Variants in CCDC141 observed in about 807,000 individuals in gnomAD.
The protein encoded by CCDC141 is coiled-coil domain containing 141.
Under a neutral mutation model 181.0 loss-of-function variants are expected in CCDC141, and 168 were observed. The ratio of observed to expected loss-of-function variants is 0.93; its 90% confidence interval spans 0.82 to 1.05. The LOEUF (loss-of-function observed/expected upper bound fraction) is 1.05, where lower values mean the gene tolerates loss of function less well. Ranked by LOEUF, CCDC141 falls within the 50% of genes least tolerant of loss-of-function variation. CCDC141 has a pLI of 0.00. For missense variants in CCDC141, 1,902 were observed against 1,788.5 expected (o/e 1.06, Z -1.14); for synonymous variants, 666 against 642.3 (o/e 1.04, Z -0.56).
chr2:178,980,279 C>G (rs1575296237), intron 2 of CCDC141, among the ~76,000 whole-genome samples: 2 of 152,124 alleles, frequency 1.3e-5, no homozygotes, highest in South Asian at 4.2e-4. Context: ...GAAACGCCAT[C>G]TCTACTACAA....
At chr2:178,939,183 C>T (rs1689408022) in intron 6 of CCDC141, among the ~76,000 whole-genome samples, 2 of 152,166 alleles carry the variant, frequency 1.3e-5, no homozygotes, top group Admixed American at 6.5e-5. Flanking sequence ...TGCAATCACA[C>T]AGAGCCTTAC....
At chr2:179,036,032 C>T (rs1163754084) in intron 2 of CCDC141, among the ~76,000 whole-genome samples, 1 of 152,114 alleles carries the variant, frequency 6.6e-6, no homozygotes, top group Non-Finnish European at 1.5e-5. Flanking sequence ...CTCTTTTTTG[C>T]CCACTCTGTG....
intron 5 of CCDC141, among the ~76,000 whole-genome samples, chr2:178,956,729 T>C (rs1330787257): frequency 6.6e-6 from 1 of 152,230 alleles, no homozygotes; most frequent in African/African-American, 2.4e-5. Flanking sequence ...GGAATCTAAA[T>C]GACAGCCTCA....
chr2:179,014,478 A>C (rs1341087104), intron 2 of CCDC141, among the ~76,000 whole-genome samples: 1 of 152,196 alleles, frequency 6.6e-6, no homozygotes, highest in Non-Finnish European at 1.5e-5. Context: ...AGCAAAGTAA[A>C]CAGACAACCC....
At chr2:178,862,344 A>G (rs931044707) in intron 17 of CCDC141, among the ~76,000 whole-genome samples, 3 of 152,214 alleles carry the variant, frequency 2.0e-5, no homozygotes, top group African/African-American at 7.2e-5. Flanking sequence ...TCTTTTCAGC[A>G]AAGTAATTGT....
chr2:178,864,355 G>A (rs1258026613), intron 17 of CCDC141, among the ~76,000 whole-genome samples: 3 of 152,190 alleles, frequency 2.0e-5, no homozygotes, highest in Non-Finnish European at 4.4e-5. Flanking sequence ...GGAGACCAAC[G>A]TGCTCTGACG....
chr2:178,850,869 T>A (rs2086832), intron 20 of CCDC141, among the ~76,000 whole-genome samples: 59,801 of 152,020 alleles, frequency 0.39, 12,599 homozygotes, highest in East Asian at 0.72. Context: ...TTGGATAGAT[T>A]CTACTACTAT....
chr2:178,818,427 C>A, the CCDC141 span, among the ~76,000 whole-genome samples: 1 of 152,134 alleles, frequency 6.6e-6, no homozygotes, highest in Non-Finnish European at 1.5e-5. Flanking sequence ...CTGATGCTCT[C>A]CCTCCCCCAA....
chr2:178,834,080 G>A lies in CCDC141; in HGVS notation c.*93C>T. On this transcript the variant is annotated 3_prime_UTR_variant, in exon 24 of 24. Coordinates refer to ENST00000443758, the MANE Select transcript of CCDC141 (RefSeq NM_173648.4). ...GGTGATCAGACTGGAGATACACTTG[G>A]TGGGAGATGCTTTGCAGGAGGTGCA... is the stretch of plus-strand genomic sequence containing the variant. 4 of 1,263,540 alleles carry A rather than the reference G, an allele frequency of 3.2e-6. No individual in the cohort carries two copies. The highest frequency in any genetic ancestry group is 4.4e-6 in the Non-Finnish European group (4 of 915,102). 78.3% of individuals were successfully genotyped at this position (1,263,540 alleles called of 1,614,324 possible). A position where few individuals can be genotyped will look rare whatever the true frequency, so the allele number is the denominator to read the frequency against.
At chr2:178,860,256 C>G (rs1685545506) in intron 17 of CCDC141, among the ~76,000 whole-genome samples, 1 of 152,052 alleles carries the variant, frequency 6.6e-6, no homozygotes, top group Non-Finnish European at 1.5e-5. Flanking sequence ...AAAATTTAAC[C>G]CAAATCATTT....
At chr2:179,015,400 T>TC in intron 2 of CCDC141, among the ~76,000 whole-genome samples, 1 of 108,632 alleles carries the variant, frequency 9.2e-6, no homozygotes, top group African/African-American at 4.3e-5. Flanking sequence ...GTATCATATA[T>TC]CTCATATATG....
intron 5 of CCDC141, among the ~76,000 whole-genome samples, chr2:178,953,413 G>A (rs1690037232): frequency 6.6e-6 from 1 of 151,268 alleles, no homozygotes; most frequent in Non-Finnish European, 1.5e-5. Flanking sequence ...CTCCAGCCTG[G>A]GCAACAGAGC....
At chr2:178,934,804 G>C (rs1685688504) in intron 6 of CCDC141, among the ~76,000 whole-genome samples, 1 of 152,172 alleles carries the variant, frequency 6.6e-6, no homozygotes, top group Admixed American at 6.6e-5. Flanking sequence ...TGCTTTCTCT[G>C]TGTTACCACA....
chr2:179,043,794 T>C (rs938967214), intron 2 of CCDC141, among the ~76,000 whole-genome samples: 2 of 151,992 alleles, frequency 1.3e-5, no homozygotes, highest in African/African-American at 4.8e-5. Context: ...CAACACAGTA[T>C]TGGAAGTTGT....
chr2:179,046,124 A>C (rs957953897), intron 2 of CCDC141, among the ~76,000 whole-genome samples: 3 of 152,274 alleles, frequency 2.0e-5, no homozygotes, highest in African/African-American at 7.2e-5. Context: ...GTAATATTAA[A>C]GTACTAAAAA....
intron 11 of CCDC141, among the ~76,000 whole-genome samples, chr2:178,882,963 T>C (rs1254471913): frequency 6.6e-6 from 1 of 151,956 alleles, no homozygotes; most frequent in African/African-American, 2.4e-5. Context: ...ACGGGGAGCA[T>C]TGCCAGGATT....
At chr2:178,999,825 A>G (rs1351205733) in intron 2 of CCDC141, among the ~76,000 whole-genome samples, 2 of 152,026 alleles carry the variant, frequency 1.3e-5, no homozygotes, top group African/African-American at 2.4e-5. Flanking sequence ...ACTATTCAGA[A>G]GTTGTCTCAG....
chr2:178,953,719 G>T (rs1690049564), intron 5 of CCDC141, among the ~76,000 whole-genome samples: 1 of 152,174 alleles, frequency 6.6e-6, no homozygotes, highest in Non-Finnish European at 1.5e-5. Context: ...TAGATAAGAA[G>T]CTCAGGTAAG....
rs1302927922 is a variant in CCDC141 at position 178,872,249 on chromosome 2, T to A, written c.1963A>T (p.Asn655Tyr). 6.2e-7 allele frequency: 1 copy of A among 1,614,088 alleles called. No homozygotes were observed. The highest frequency in any genetic ancestry group is 8.5e-7 in the Non-Finnish European group (1 of 1,179,974). ...EVYLMKNTME[N>Y]QKAEREELSL... The stretch of plus-strand genomic sequence containing the variant: ...AGTTCTTCCCGTTCTGCTTTCTGGT[T>A]TTCCATGGTGTTCTTCATGAGGTAC... The change falls in exon 13 of 24, where the codon AAC becomes TAC. Residue 655 changes from asparagine (N) to tyrosine (Y), a missense_variant. Asn to Tyr is a moderately radical substitution (Grantham distance 143, BLOSUM62 -2). Transcript: ENST00000443758.
Sources: allele counts gnomAD v4.1 joint callset (sites outside exome capture counted in the v4.1 genomes callset), GRCh38; gene constraint gnomAD v4.1.1; transcripts MANE v1.5; gene names NCBI Gene and HGNC (gene_info 2026-07-23, HGNC 2026-07-21).